The following MTX2 variants were observed in gnomAD, a reference collection of about 807,000 sequenced individuals.
The protein encoded by MTX2 is metaxin 2.
MTX2 carries 35 observed loss-of-function variants against 42.3 expected under a neutral mutation model. That is an observed-to-expected ratio of 0.83 (90% confidence interval 0.63 to 1.10). The LOEUF (loss-of-function observed/expected upper bound fraction) is 1.10. Among genes scored for constraint, MTX2 ranks in the 50% least tolerant of loss-of-function variants. The pLI is 0.00. For synonymous variants in MTX2, 119 were observed against 100.9 expected (o/e 1.18, Z -1.08); for missense variants, 307 against 304.1 (o/e 1.01, Z -0.07).
chr2:176,336,925 G>A (rs906664258), intron 9 of MTX2, among the ~76,000 whole-genome samples: 1 of 152,112 alleles, frequency 6.6e-6, no homozygotes, highest in Non-Finnish European at 1.5e-5. Context: ...ACTAAAATCT[G>A]CAGAGTTCAA....
intron 3 of MTX2, among the ~76,000 whole-genome samples, chr2:176,308,285 G>A (rs1397061003): frequency 6.6e-6 from 1 of 152,090 alleles, no homozygotes; most frequent in Non-Finnish European, 1.5e-5. Flanking sequence ...TTGATGTGCT[G>A]TTGCTGGATT....
At chr2:176,301,896 T>C (rs954119679) in intron 3 of MTX2, among the ~76,000 whole-genome samples, 9 of 152,110 alleles carry the variant, frequency 5.9e-5, no homozygotes, top group African/African-American at 2.2e-4. Context: ...GGAAATTCTT[T>C]TGAAAAAAGT....
At chr2:176,280,893 G>A (rs1053189691) in intron 1 of MTX2, among the ~76,000 whole-genome samples, 2 of 152,294 alleles carry the variant, frequency 1.3e-5, no homozygotes, top group African/African-American at 4.8e-5. Context: ...TAGTGTCCTG[G>A]GCTGATCCAG....
chr2:176,325,374 C>G (rs1425375174), intron 4 of MTX2, among the ~76,000 whole-genome samples: 2 of 151,644 alleles, frequency 1.3e-5, no homozygotes, highest in East Asian at 3.9e-4. Flanking sequence ...TTTCATTAAG[C>G]AGGCTAGTGA....
At chr2:176,292,088 C>T (rs1017804395) in intron 1 of MTX2, among the ~76,000 whole-genome samples, 8 of 152,170 alleles carry the variant, frequency 5.3e-5, no homozygotes, top group African/African-American at 1.9e-4. Flanking sequence ...TGCACTTTGA[C>T]AGCATTGGAC....
intron 3 of MTX2, among the ~76,000 whole-genome samples, chr2:176,309,720 CTTTT>C (rs745705028): frequency 1.0e-5 from 1 of 98,542 alleles, no homozygotes; most frequent in Non-Finnish European, 2.0e-5. Context: ...GCAACCTCTG[CTTTT>C]TTTTTTTTTT....
rs531873386 is a variant in MTX2, at chr2:176,330,809, G to C, written c.620+149G>C. 2.1e-4 allele frequency: 125 copies of C among 589,808 alleles called. No individual in the cohort carries two copies. The East Asian group carries it at 3.4e-3, about 16-fold the overall frequency. 36.5% of individuals were successfully genotyped at this position (589,808 alleles called of 1,614,324 possible). A position where few individuals can be genotyped will look rare whatever the true frequency, so the allele number is the denominator to read the frequency against. ...TATTTTTGTGGCACTTTACTCTCAG[G>C]CACAGTGCTAGGCTCTAGGAGACTA... On this transcript the variant is annotated intron_variant, in intron 9 of 9. Coordinates refer to ENST00000249442, the MANE Select transcript of MTX2 (RefSeq NM_006554.5).
intron 9 of MTX2, among the ~76,000 whole-genome samples, chr2:176,333,416 T>G (rs1684906182): frequency 6.6e-6 from 1 of 151,694 alleles, no homozygotes; most frequent in Admixed American, 6.6e-5. Context: ...ATGTGTAATT[T>G]ACATCTAGTA....
At chr2:176,329,847 T>TA (rs1187772362) in intron 8 of MTX2, among the ~76,000 whole-genome samples, 28 of 148,164 alleles carry the variant, frequency 1.9e-4, no homozygotes, top group African/African-American at 5.4e-4. Context: ...CATCAGGGCT[T>TA]AAAAAAAAAG....
At chr2:176,271,966 A>G (rs1439700769) in intron 1 of MTX2, among the ~76,000 whole-genome samples, 2 of 152,224 alleles carry the variant, frequency 1.3e-5, no homozygotes, top group East Asian at 3.8e-4. Flanking sequence ...TTGCAGCAGT[A>G]TTCACAATAG....
chr2:176,337,151 A>G (rs371126861), intron 9 of MTX2, among the ~76,000 whole-genome samples: 1 of 151,974 alleles, frequency 6.6e-6, no homozygotes, highest in Non-Finnish European at 1.5e-5. Context: ...AAGCCATTCT[A>G]CCACCTCAGC....
rs752678493 is a variant in MTX2, at chr2:176,329,383, G to T, written c.500G>T (p.Arg167Leu). Residue 167 changes from arginine (R) to leucine (L), a missense_variant, in exon 8 of 10, where the codon CGT (arginine) becomes CTT (leucine). Physicochemically the swap from Arg to Leu is moderately radical, Grantham distance 102. Coordinates refer to ENST00000249442, the MANE Select transcript of MTX2 (RefSeq NM_006554.5). ...TATCAAAAACAGTGGGAAGTCAAACGTAAGATGAAAGCTATTGGATGGGGA... is the reference window on the plus strand; with the variant it reads ...TATCAAAAACAGTGGGAAGTCAAACTTAAGATGAAAGCTATTGGATGGGGA... ...LAYQKQWEVK[R>L]KMKAIGWGKK... 3.1e-6 allele frequency: 5 copies of T among 1,607,566 alleles called. No homozygotes were observed. The highest frequency in any genetic ancestry group is 2.6e-6 in the Non-Finnish European group (3 of 1,175,550).
intron 1 of MTX2, among the ~76,000 whole-genome samples, chr2:176,289,646 T>C (rs1001639093): frequency 9.2e-5 from 14 of 152,098 alleles, no homozygotes; most frequent in African/African-American, 3.4e-4. Flanking sequence ...ACTATTAGAA[T>C]AGTAATTCTA....
In MTX2 at chr2:176,333,197, G is replaced by C. The variant is rs181326374; in HGVS notation, c.620+2537G>C. Among the ~76,000 whole-genome samples the C allele has an allele frequency of 4.0e-3, 610 of 151,556 alleles. 2 individuals carry two copies. Among genetic ancestry groups the C allele is most frequent in the Admixed American group, 6.9e-3 (105 of 15,184 alleles). On this transcript the variant is annotated intron_variant, in intron 9 of 9. Coordinates refer to ENST00000249442, the MANE Select transcript of MTX2 (RefSeq NM_006554.5). ...GCAATAATATATGAAACATCTTAGAGCTCATAGGAGGGGAATTGCTATCTA... is the reference window on the plus strand; with the variant it reads ...GCAATAATATATGAAACATCTTAGACCTCATAGGAGGGGAATTGCTATCTA...
chr2:176,332,817 A>G lies in MTX2; in HGVS notation c.620+2157A>G, dbSNP rs192083566. ...AGAACAATTAGGAAACACTCAGACA[A>G]AATTAATGCTTTTGAAAGCATTAAT... is the stretch of plus-strand genomic sequence containing the variant. On this transcript the variant is annotated intron_variant, in intron 9 of 9. Coordinates refer to ENST00000249442, the MANE Select transcript of MTX2 (RefSeq NM_006554.5). Among the ~76,000 whole-genome samples the G allele has an allele frequency of 2.0e-3, 304 of 151,588 alleles. 3 individuals are homozygous for G. The highest frequency in any genetic ancestry group is 7.1e-3 in the African/African-American group (296 of 41,508).
chr2:176,288,881 T>C (rs2105405775), intron 1 of MTX2, among the ~76,000 whole-genome samples: 1 of 152,048 alleles, frequency 6.6e-6, no homozygotes, highest in Non-Finnish European at 1.5e-5. Context: ...TTATATTAGA[T>C]CATCGAGAGA....
intron 7 of MTX2, 56 bp downstream of exon 7, chr2:176,328,968 C>A: frequency 6.9e-7 from 1 of 1,443,686 alleles, no homozygotes; most frequent in Non-Finnish European, 9.7e-7. Context: ...AACACTTTTG[C>A]TCAGAATCGC....
intron 3 of MTX2, among the ~76,000 whole-genome samples, chr2:176,308,404 A>G (rs946453990): frequency 6.6e-6 from 1 of 152,122 alleles, no homozygotes; most frequent in Non-Finnish European, 1.5e-5. Context: ...TATCAGGATG[A>G]TGTTGGCCTC....
intron 3 of MTX2, among the ~76,000 whole-genome samples, chr2:176,322,986 GGAA>G (rs1052664124): frequency 4.5e-4 from 68 of 151,812 alleles, no homozygotes; most frequent in African/African-American, 1.4e-3. Context: ...TCTAAAATGA[GGAA>G]GATGATGATC....
Sources: allele counts gnomAD v4.1 joint callset (sites outside exome capture counted in the v4.1 genomes callset), GRCh38; gene constraint gnomAD v4.1.1; transcripts MANE v1.5; gene names NCBI Gene and HGNC (gene_info 2026-07-23, HGNC 2026-07-21).